The following DRC11 variants were observed in gnomAD, a reference collection of about 807,000 sequenced individuals.
The protein encoded by DRC11 is dynein regulatory complex subunit 11.
chr2:236,506,177 G>A, the DRC11 span, among the ~76,000 whole-genome samples: 2 of 152,164 alleles, frequency 1.3e-5, no homozygotes, highest in South Asian at 4.1e-4. This position sits in a 1 kb window ranked among gnomAD's most constrained non-coding sequence, Gnocchi z 4.9. Context: ...TCTTCCTCAT[G>A]GATCATGTCT....
the DRC11 span, among the ~76,000 whole-genome samples, chr2:236,433,584 T>G: frequency 1.3e-5 from 2 of 152,374 alleles, no homozygotes; most frequent in Middle Eastern, 3.4e-3. Context: ...TTCTGCATGT[T>G]AATTTTGTAA....
the DRC11 span, among the ~76,000 whole-genome samples, chr2:236,410,697 G>A: frequency 1.3e-5 from 2 of 150,852 alleles, no homozygotes; most frequent in East Asian, 1.9e-4. Flanking sequence ...CCAAAACAGA[G>A]ACATAGATCA....
the DRC11 span, among the ~76,000 whole-genome samples, chr2:236,420,104 G>A: frequency 2.4e-4 from 36 of 152,260 alleles, no homozygotes; most frequent in Non-Finnish European, 3.5e-4. The surrounding 1 kb of genome is among the most constrained non-coding windows in gnomAD (Gnocchi z 4.8). Context: ...CTTAGGATCC[G>A]CCAGGCATGC....
the DRC11 span, among the ~76,000 whole-genome samples, chr2:236,309,518 C>A: frequency 6.6e-6 from 1 of 152,118 alleles, no homozygotes; most frequent in South Asian, 2.1e-4. This position sits in a 1 kb window ranked among gnomAD's most constrained non-coding sequence, Gnocchi z 5.7. Flanking sequence ...TGGAGGCCCC[C>A]CAGGCAGGCT....
At chr2:236,433,764 A>G in the DRC11 span, among the ~76,000 whole-genome samples, 28 of 152,306 alleles carry the variant, frequency 1.8e-4, no homozygotes, top group East Asian at 3.5e-3. Flanking sequence ...GGGATATATT[A>G]TTTAGTAGTT....
the DRC11 span, among the ~76,000 whole-genome samples, chr2:236,429,370 G>A: frequency 2.6e-5 from 4 of 152,334 alleles, no homozygotes; most frequent in East Asian, 7.7e-4. This position sits in a 1 kb window ranked among gnomAD's most constrained non-coding sequence, Gnocchi z 5.9. Context: ...GCATGCATGG[G>A]CATCTTTAGG....
the DRC11 span, chr2:236,503,759 C>A: frequency 6.8e-7 from 1 of 1,461,540 alleles, no homozygotes; most frequent in South Asian, 1.2e-5. This position sits in a 1 kb window ranked among gnomAD's most constrained non-coding sequence, Gnocchi z 4.9. Flanking sequence ...CCCTCCCACA[C>A]TGGACCGCCA....
chr2:236,407,811 T>C, the DRC11 span: 1 of 282,718 alleles, frequency 3.5e-6, no homozygotes, highest in East Asian at 9.3e-5. Flanking sequence ...TAACTTTTAG[T>C]GAGACCTCAG....
At chr2:236,335,527 G>A in the DRC11 span, among the ~76,000 whole-genome samples, 1 of 152,208 alleles carries the variant, frequency 6.6e-6, no homozygotes, top group Non-Finnish European at 1.5e-5. The surrounding 1 kb of genome is among the most constrained non-coding windows in gnomAD (Gnocchi z 5.6). Flanking sequence ...GCTGTGAGGA[G>A]ATTCAGGTAG....
At chr2:236,468,520 T>C in the DRC11 span, among the ~76,000 whole-genome samples, 1 of 152,364 alleles carries the variant, frequency 6.6e-6, no homozygotes, top group South Asian at 2.1e-4. Flanking sequence ...CAAATGATCA[T>C]TAATTGCCCC....
At chr2:236,326,247 GTAA>G in the DRC11 span, among the ~76,000 whole-genome samples, 8 of 152,176 alleles carry the variant, frequency 5.3e-5, no homozygotes, top group Admixed American at 2.0e-4. Flanking sequence ...AAAATTCTCA[GTAA>G]TAATATCTTT....
chr2:236,357,468 T>TTACATGTATATTTA, the DRC11 span, among the ~76,000 whole-genome samples: 1 of 126,682 alleles, frequency 7.9e-6, no homozygotes, highest in East Asian at 2.3e-4. Flanking sequence ...TATTTACATA[T>TTACATGTATATTTA]TACATGTATA....
At chr2:236,434,048 ATGCGG>A in the DRC11 span, among the ~76,000 whole-genome samples, 1 of 152,252 alleles carries the variant, frequency 6.6e-6, no homozygotes, top group African/African-American at 2.4e-5. The surrounding 1 kb of genome is among the most constrained non-coding windows in gnomAD (Gnocchi z 5.5). Context: ...TTTTAATACG[ATGCGG>A]TGCATTCATA....
At chr2:236,313,976 G>C in the DRC11 span, among the ~76,000 whole-genome samples, 3 of 152,166 alleles carry the variant, frequency 2.0e-5, no homozygotes, top group African/African-American at 7.2e-5. This position sits in a 1 kb window ranked among gnomAD's most constrained non-coding sequence, Gnocchi z 4.5. Context: ...GGTTGGAATT[G>C]TTCTTTTGTA....
the DRC11 span, chr2:236,380,723 G>A: frequency 1.0e-6 from 1 of 958,574 alleles, no homozygotes; most frequent in African/African-American, 1.6e-5. This position sits in a 1 kb window ranked among gnomAD's most constrained non-coding sequence, Gnocchi z 4.9. Flanking sequence ...GTTGTTTTCT[G>A]GGGGTGGTGG....
chr2:236,488,073 T>C, the DRC11 span: 1 of 1,608,850 alleles, frequency 6.2e-7, no homozygotes, highest in Non-Finnish European at 8.5e-7. Context: ...CTTTGCTCTA[T>C]ATTCTTGCAG....
At chr2:236,354,228 GTA>G in the DRC11 span, among the ~76,000 whole-genome samples, 1 of 148,406 alleles carries the variant, frequency 6.7e-6, no homozygotes, top group South Asian at 2.1e-4. Context: ...GTGCATGTGC[GTA>G]TGTTAGTATG....
At chr2:236,471,206 G>A in the DRC11 span, among the ~76,000 whole-genome samples, 5 of 152,082 alleles carry the variant, frequency 3.3e-5, no homozygotes, top group Admixed American at 2.6e-4. This position sits in a 1 kb window ranked among gnomAD's most constrained non-coding sequence, Gnocchi z 4.6. Context: ...TGGGGCTTTG[G>A]CCTGAGGCAT....
the DRC11 span, among the ~76,000 whole-genome samples, chr2:236,445,837 C>T: frequency 3.3e-5 from 5 of 152,044 alleles, no homozygotes; most frequent in Non-Finnish European, 7.4e-5. This position sits in a 1 kb window ranked among gnomAD's most constrained non-coding sequence, Gnocchi z 4.8. Flanking sequence ...ACAGACACAC[C>T]CACACATGCT....
Sources: allele counts gnomAD v4.1 joint callset (sites outside exome capture counted in the v4.1 genomes callset), GRCh38; gene constraint gnomAD v4.1.1; non-coding constraint Gnocchi (gnomAD v3.1); transcripts MANE v1.5; gene names NCBI Gene and HGNC (gene_info 2026-07-23, HGNC 2026-07-21).